Variants in ARAP2 observed in about 807,000 individuals in gnomAD.
ARAP2 encodes the protein ArfGAP with RhoGAP domain, ankyrin repeat and PH domain 2.
Under a neutral mutation model 194.5 loss-of-function variants are expected in ARAP2, and 148 were observed. That is an observed-to-expected ratio of 0.76 (90% CI 0.67 to 0.87). The LOEUF (loss-of-function observed/expected upper bound fraction) is 0.87. ARAP2 is among the 40% of genes least tolerant of loss of function. The probability of loss-of-function intolerance (pLI) is 0.00; values close to 1 mark genes in which losing one functional copy is unlikely to be tolerated. For missense variants in ARAP2, 2,128 were observed against 1,989.7 expected, an observed-to-expected ratio of 1.07 and a Z score of -1.32; for synonymous variants, 695 against 683.5, an observed-to-expected ratio of 1.02 and a Z score of -0.26.
At chr4:36,062,662 G>GTGTGTGTT (rs760763090), downstream of ARAP2, among the ~76,000 whole-genome samples, 17 of 146,354 alleles carry the variant, frequency 1.2e-4, no homozygotes, top group African/African-American at 4.2e-4. Context: ...GTGTGTGTGT[G>GTGTGTGTT]TATAAAACAG....
chr4:36,030,108 A>G (rs1718657722), intron 5 of ARAP2, among the ~76,000 whole-genome samples: 1 of 152,108 alleles, frequency 6.6e-6, no homozygotes, highest in African/African-American at 2.4e-5. Flanking sequence ...GCTTTTGGAT[A>G]CAGTATTCTC....
rs146075716 is a variant in ARAP2 at position 36,151,622 on chromosome 4, C to A, written c.2753-578G>T. On this transcript the variant is annotated intron_variant, in intron 15 of 32. Coordinates refer to ENST00000303965, the MANE Select transcript of ARAP2 (RefSeq NM_015230.4). ...ATAAAGTCTATATATTAGATAATTT[C>A]TGAAGCTGGATTACTGTTCTGTGGT... 2.9e-3 allele frequency among the ~76,000 whole-genome samples: 444 copies of A among 152,236 alleles called. 3 individuals are homozygous for A. Among genetic ancestry groups the A allele is most frequent in the Non-Finnish European group, 5.0e-3 (340 of 67,996 alleles).
intron 11 of ARAP2, among the ~76,000 whole-genome samples, chr4:36,163,419 G>C (rs537966403): frequency 6.6e-6 from 1 of 152,042 alleles, no homozygotes; most frequent in Non-Finnish European, 1.5e-5. Context: ...AAAATACGTT[G>C]GTAAATGTGG....
intron 20 of ARAP2, among the ~76,000 whole-genome samples, chr4:36,129,551 G>A (rs1236942601): frequency 6.6e-6 from 1 of 151,636 alleles, no homozygotes; most frequent in East Asian, 1.9e-4. Context: ...CATTCTGAAC[G>A]AATCCCTGTA....
At chr4:36,115,345 AC>A (rs1255529812) in intron 25 of ARAP2, among the ~76,000 whole-genome samples, 1 of 152,034 alleles carries the variant, frequency 6.6e-6, no homozygotes, top group Non-Finnish European at 1.5e-5. Flanking sequence ...AACAGAGAAC[AC>A]CAAGCAGTAT....
At chr4:36,179,661 A>T (rs1312668384) in intron 8 of ARAP2, among the ~76,000 whole-genome samples, 1 of 152,216 alleles carries the variant, frequency 6.6e-6, no homozygotes, top group African/African-American at 2.4e-5. Context: ...ACGAGTAGTA[A>T]AAGCTTTCAC....
rs565927584 is a variant in ARAP2 at position 36,073,246 on chromosome 4, G to T, written c.4743+443C>A. On this transcript the variant is annotated intron_variant, in intron 32 of 32. Coordinates refer to ENST00000303965, the MANE Select transcript of ARAP2 (RefSeq NM_015230.4). ...TTTCTTGATTCTCAGGGGTCATCTT[G>T]TAGGTCCTTAAATTAACTGAGAGAC... 2.0e-4 allele frequency among the ~76,000 whole-genome samples: 30 copies of T among 152,200 alleles called. 1 individual carries two copies. The highest frequency in any genetic ancestry group is 6.7e-4 in the African/African-American group (28 of 41,572).
At chr4:36,240,729 C>T (rs530057464) in intron 1 of ARAP2, among the ~76,000 whole-genome samples, 9 of 152,236 alleles carry the variant, frequency 5.9e-5, no homozygotes, top group Non-Finnish European at 1.3e-4. Context: ...AATAGGTAGG[C>T]TCTGGGCAAA....
chr4:36,087,742 A>G (rs149862769), intron 28 of ARAP2, among the ~76,000 whole-genome samples: 1 of 152,262 alleles, frequency 6.6e-6, no homozygotes, highest in East Asian at 1.9e-4. Context: ...GTTTGATACT[A>G]TTTAATAAAA....
chr4:36,196,798 C>T (rs1359801155), intron 6 of ARAP2, among the ~76,000 whole-genome samples: 2 of 151,942 alleles, frequency 1.3e-5, no homozygotes, highest in Admixed American at 6.6e-5. Context: ...GTGGACACCA[C>T]TCTCTGGCCG....
intron 31 of ARAP2, among the ~76,000 whole-genome samples, chr4:36,077,271 A>C (rs1728459758): frequency 6.6e-6 from 1 of 152,044 alleles, no homozygotes; most frequent in African/African-American, 2.4e-5. Flanking sequence ...CACTATGTAA[A>C]CGCCATATCT....
chr4:36,228,356 C>T (rs1352865147), intron 2 of ARAP2, among the ~76,000 whole-genome samples: 1 of 152,146 alleles, frequency 6.6e-6, no homozygotes, highest in East Asian at 1.9e-4. Context: ...GGATGTCCCC[C>T]CGCTTAAATA....
intron 1 of ARAP2, among the ~76,000 whole-genome samples, chr4:36,236,227 G>A (rs184033243): frequency 6.7e-6 from 1 of 150,158 alleles, no homozygotes; most frequent in African/African-American, 2.4e-5. Context: ...TCCCCCTAAT[G>A]TCTCGAATAA....
chr4:36,159,278 C>A lies in ARAP2; in HGVS notation c.2617+53G>T, dbSNP rs548305391. On this transcript the variant is annotated intron_variant, in intron 14 of 32. Transcript: ENST00000303965. Reference sequence around the variant, plus strand: ...AAAATCAATAGATTTATGCTTCAGTCCTTTTACGGATCTATCAGAAGAGAC... The same window carrying A: ...AAAATCAATAGATTTATGCTTCAGTACTTTTACGGATCTATCAGAAGAGAC... 4.0e-4 allele frequency: 559 copies of A among 1,392,752 alleles called. 1 individual carries two copies. Among genetic ancestry groups the A allele is most frequent in the Admixed American group, 1.4e-3 (56 of 38,856 alleles). The allele number at this position is 1,392,752 out of a possible 1,614,324, so 86.3% of individuals were successfully genotyped here. A position where few individuals can be genotyped will look rare whatever the true frequency, so the allele number is the denominator to read the frequency against.
rs566732115 is a variant in ARAP2, at chr4:36,164,768, A to T, written c.2173+146T>A. The T allele has an allele frequency of 6.5e-3, 5,107 of 791,218 alleles. 31 individuals carry two copies. Among genetic ancestry groups the T allele is most frequent in the Non-Finnish European group, 9.1e-3 (4,661 of 509,916 alleles). 49.0% of individuals were successfully genotyped at this position (791,218 alleles called of 1,614,324 possible). On this transcript the variant is annotated intron_variant, in intron 11 of 32. Coordinates refer to ENST00000303965, the MANE Select transcript of ARAP2 (RefSeq NM_015230.4). ...ATACATAAGAGAAGTTTAGACTCAT[A>T]TTTCTGAATTTGATTTAAATGTAAT...
In ARAP2 at chr4:36,043,563, C is replaced by T. The variant is rs556102394; in HGVS notation, n.607+2416G>A. ...ACATAAATTTGCCAGAAGCTAAAGG[C>T]ATACAGTTTGAAGATGAAGCAAATT... On this transcript the variant is annotated intron_variant and non_coding_transcript_variant, in intron 5 of 12. Transcript: ENST00000503225. Among the ~76,000 whole-genome samples the T allele has an allele frequency of 3.9e-5, 6 of 152,038 alleles. No homozygotes were observed. The South Asian group carries it at 1.2e-3, about 32-fold the overall frequency.
chr4:36,233,700 G>T (rs536993810), intron 1 of ARAP2, among the ~76,000 whole-genome samples: 58 of 152,328 alleles, frequency 3.8e-4, no homozygotes, highest in Non-Finnish European at 4.3e-4. Context: ...CATTGGTGAG[G>T]ATTAAATGAG....
intron 6 of ARAP2, chr4:36,209,232 C>T: frequency 4.6e-6 from 1 of 215,582 alleles, no homozygotes; most frequent in Non-Finnish European, 9.6e-6. Flanking sequence ...TGATTCATTC[C>T]ACTAGTGTTT....
At position 36,105,547 on chromosome 4, in the gene ARAP2, T is replaced by C. The variant is rs544215379; in HGVS notation, c.4285+2018A>G. 5.9e-5 allele frequency among the ~76,000 whole-genome samples: 9 copies of C among 152,052 alleles called. No homozygotes were observed. In the South Asian group the frequency reaches 1.9e-3, roughly 32 times the overall value. On this transcript the variant is annotated intron_variant, in intron 27 of 32. Transcript: ENST00000303965. ...AAGATGTAATGGGATAGGTGGAACA[T>C]CACGAAAACACCAAATCTTCCTACC...
Sources: gnomAD v4.1 joint callset for allele counts (sites outside exome capture counted in the v4.1 genomes callset) on GRCh38, gnomAD v4.1.1 for gene constraint, MANE v1.5 for transcripts, NCBI Gene and HGNC (gene_info 2026-07-23, HGNC 2026-07-21) for gene names.